GRIK2: variants seen among roughly 807,000 people sequenced by gnomAD.
GRIK2 encodes glutamate receptor ionotropic, kainate 2.
Under a neutral mutation model 100.3 loss-of-function variants are expected in GRIK2, and 32 were observed. That is an observed-to-expected ratio of 0.32 (90% CI 0.24 to 0.43). The LOEUF is 0.43. Among genes scored for constraint, GRIK2 ranks in the 20% least tolerant of loss-of-function variants. The probability of loss-of-function intolerance (pLI) is 1.00; values close to 1 mark genes in which losing one functional copy is unlikely to be tolerated. For missense variants in GRIK2, 843 were observed against 1,114.9 expected (o/e 0.76, Z 3.47); for synonymous variants, 417 against 389.4 (o/e 1.07, Z -0.83).
intron 7 of GRIK2, among the ~76,000 whole-genome samples, chr6:101,771,496 ATTTTT>A (rs1244038229): frequency 1.3e-5 from 2 of 151,182 alleles, no homozygotes; most frequent in Non-Finnish European, 3.0e-5. Context: ...AATTTTTTGA[ATTTTT>A]ATTTTGTTTT....
intron 15 of GRIK2, among the ~76,000 whole-genome samples, chr6:102,051,808 AT>A (rs1187836922): frequency 3.3e-5 from 5 of 152,188 alleles, no homozygotes; most frequent in Non-Finnish European, 5.9e-5. Context: ...GCATGTTCTA[AT>A]AGACACATTT....
chr6:101,566,245 T>C (rs1030580721), intron 2 of GRIK2, among the ~76,000 whole-genome samples: 5 of 151,846 alleles, frequency 3.3e-5, no homozygotes, highest in African/African-American at 4.8e-5. Flanking sequence ...TTTTGGTAAG[T>C]GTGATCATAA....
chr6:101,590,668 C>T (rs146371281), intron 2 of GRIK2, among the ~76,000 whole-genome samples: 1 of 152,142 alleles, frequency 6.6e-6, no homozygotes, highest in East Asian at 1.9e-4. Flanking sequence ...TGTAGTCATA[C>T]TCTTCCTAAC....
At chr6:101,898,564 A>T (rs1787631545) in intron 12 of GRIK2, among the ~76,000 whole-genome samples, 1 of 151,964 alleles carries the variant, frequency 6.6e-6, no homozygotes, top group South Asian at 2.1e-4. Flanking sequence ...TTTCCAATCA[A>T]CTGGGCACCT....
At chr6:101,675,842 T>A (rs1320352529) in intron 4 of GRIK2, among the ~76,000 whole-genome samples, 1 of 152,224 alleles carries the variant, frequency 6.6e-6, no homozygotes, top group Admixed American at 6.5e-5. Flanking sequence ...CATTATTTTT[T>A]AAAATAATTA....
chr6:101,804,739 T>C (rs1780880780), intron 9 of GRIK2, among the ~76,000 whole-genome samples: 1 of 152,022 alleles, frequency 6.6e-6, no homozygotes, highest in Non-Finnish European at 1.5e-5. Flanking sequence ...TGGAGGTAAG[T>C]TAAAGAGAAA....
At chr6:101,906,070 T>C (rs1005198562) in intron 12 of GRIK2, among the ~76,000 whole-genome samples, 25 of 151,736 alleles carry the variant, frequency 1.6e-4, no homozygotes, top group African/African-American at 6.0e-4. Flanking sequence ...TAATAAATCA[T>C]ATACAAAATA....
At chr6:101,434,701 C>A (rs565998416) in intron 2 of GRIK2, among the ~76,000 whole-genome samples, 1 of 152,038 alleles carries the variant, frequency 6.6e-6, no homozygotes, top group East Asian at 1.9e-4. Context: ...ATTTTCCTGG[C>A]CTTTCTGTGT....
intron 14 of GRIK2, among the ~76,000 whole-genome samples, chr6:102,016,068 G>A (rs1795818885): frequency 6.6e-6 from 1 of 151,944 alleles, no homozygotes; most frequent in Admixed American, 6.6e-5. Context: ...AACAGCACAA[G>A]AACTCTGACA....
chr6:101,406,244 C>G (rs756976079), intron 2 of GRIK2, among the ~76,000 whole-genome samples: 15 of 151,836 alleles, frequency 9.9e-5, no homozygotes, highest in Non-Finnish European at 1.8e-4. Flanking sequence ...TTTAATTTTA[C>G]TTTTGCATTT....
chr6:101,769,569 T>G (rs1197202656), intron 7 of GRIK2, among the ~76,000 whole-genome samples: 1 of 152,156 alleles, frequency 6.6e-6, no homozygotes, highest in African/African-American at 2.4e-5. Flanking sequence ...TCTCTTCTCC[T>G]GGATTCTCAA....
intron 14 of GRIK2, among the ~76,000 whole-genome samples, chr6:101,944,798 G>C (rs1791175378): frequency 6.6e-6 from 1 of 152,008 alleles, no homozygotes; most frequent in Non-Finnish European, 1.5e-5. Flanking sequence ...TCAATATACA[G>C]ATTTTAGTTG....
At chr6:101,716,740 AAAG>A (rs1774098705) in intron 7 of GRIK2, among the ~76,000 whole-genome samples, 1 of 152,000 alleles carries the variant, frequency 6.6e-6, no homozygotes, top group South Asian at 2.1e-4. Context: ...CCAAGAACTT[AAAG>A]AATAATAATA....
intron 7 of GRIK2, among the ~76,000 whole-genome samples, chr6:101,754,328 G>A (rs1376349366): frequency 6.6e-6 from 1 of 152,182 alleles, no homozygotes; most frequent in Non-Finnish European, 1.5e-5. Flanking sequence ...CCTGAGATAT[G>A]TTTGTGCATA....
chr6:102,068,299 ACAGTTT>A, intron 16 of GRIK2, 42 bp from the exon 17 acceptor site: 1 of 1,338,482 alleles, frequency 7.5e-7, no homozygotes. Context: ...TTGGACAGTT[ACAGTTT>A]ATGTATCTTG....
At chr6:101,781,321 T>A (rs1779080349) in intron 7 of GRIK2, among the ~76,000 whole-genome samples, 1 of 152,232 alleles carries the variant, frequency 6.6e-6, no homozygotes, top group Admixed American at 6.5e-5. Flanking sequence ...TGTGGGTTCC[T>A]AACTTGACCA....
At chr6:101,425,841 C>A (rs2128241474) in intron 2 of GRIK2, among the ~76,000 whole-genome samples, 1 of 152,296 alleles carries the variant, frequency 6.6e-6, no homozygotes, top group South Asian at 2.1e-4. Flanking sequence ...GAGGAGAGTT[C>A]TGTCCTGTCT....
At chr6:101,672,772 C>T (rs533042515) in intron 4 of GRIK2, among the ~76,000 whole-genome samples, 1 of 152,172 alleles carries the variant, frequency 6.6e-6, no homozygotes, top group Admixed American at 6.5e-5. Context: ...TTGCAAAGGC[C>T]ATGGTCTCAT....
At chr6:101,425,203 A>G (rs1401928852) in intron 2 of GRIK2, among the ~76,000 whole-genome samples, 1 of 152,148 alleles carries the variant, frequency 6.6e-6, no homozygotes, top group African/African-American at 2.4e-5. Flanking sequence ...GCTGGGTCAA[A>G]TGGTATTTCT....
Sources: allele counts gnomAD v4.1 joint callset (sites outside exome capture counted in the v4.1 genomes callset), GRCh38; gene constraint gnomAD v4.1.1; transcripts MANE v1.5; gene names NCBI Gene and HGNC (gene_info 2026-07-23, HGNC 2026-07-21).